Variants in F13A1 observed in about 807,000 individuals in gnomAD.
F13A1 encodes the protein coagulation factor XIII A chain.
A neutral mutation model predicts 80.1 loss-of-function variants in F13A1; 47 were observed. The ratio of observed to expected loss-of-function variants is 0.59; its 90% CI spans 0.46 to 0.75. The LOEUF is 0.75. Among genes scored for constraint, F13A1 ranks in the 30% least tolerant of loss-of-function variants. F13A1 has a pLI of 0.00. For synonymous variants in F13A1, 349 were observed against 344.9 expected (o/e 1.01, Z -0.13); for missense variants, 817 against 930.4 (o/e 0.88, Z 1.59).
chr6:6,254,279 C>T (rs748569680), intron 4 of F13A1, among the ~76,000 whole-genome samples: 3 of 151,962 alleles, frequency 2.0e-5, no homozygotes, highest in Non-Finnish European at 4.4e-5. Context: ...TGTGAATTCA[C>T]TTTGCCCAAT....
At chr6:6,244,115 T>A (rs1757523701) in intron 6 of F13A1, among the ~76,000 whole-genome samples, 1 of 152,128 alleles carries the variant, frequency 6.6e-6, no homozygotes, top group Non-Finnish European at 1.5e-5. Context: ...GGGCTCAGAG[T>A]CCATGTCTGG....
chr6:6,282,845 G>A (rs1758084957), intron 3 of F13A1, among the ~76,000 whole-genome samples: 1 of 152,192 alleles, frequency 6.6e-6, no homozygotes, highest in South Asian at 2.1e-4. Flanking sequence ...CTCAGCTCCA[G>A]AGTTTCACAG....
chr6:6,152,540 CTATTA>C (rs1275062063), intron 13 of F13A1, among the ~76,000 whole-genome samples: 2 of 152,138 alleles, frequency 1.3e-5, no homozygotes, highest in Non-Finnish European at 2.9e-5. Context: ...GTGAGTTGAT[CTATTA>C]TGACTCTCAG....
chr6:6,276,246 G>A (rs1487880378), intron 3 of F13A1, among the ~76,000 whole-genome samples: 3 of 152,324 alleles, frequency 2.0e-5, no homozygotes, highest in Non-Finnish European at 4.4e-5. Context: ...GAGAGGATTG[G>A]AAGCAGGAGG....
chr6:6,218,464 C>T (rs1378167807), intron 8 of F13A1, among the ~76,000 whole-genome samples: 1 of 152,210 alleles, frequency 6.6e-6, no homozygotes, highest in Non-Finnish European at 1.5e-5. Context: ...CAGAACTCAT[C>T]AGCACGCTGG....
chr6:6,217,470 T>C (rs1218521110), intron 8 of F13A1, among the ~76,000 whole-genome samples: 1 of 140,778 alleles, frequency 7.1e-6, no homozygotes, highest in Non-Finnish European at 1.5e-5. Flanking sequence ...TAGGTGGGAA[T>C]TGAACAATGA....
At chr6:6,195,401 C>T (rs769958923) in intron 10 of F13A1, among the ~76,000 whole-genome samples, 5 of 152,172 alleles carry the variant, frequency 3.3e-5, no homozygotes, top group Non-Finnish European at 5.9e-5. Context: ...TTTTGTCTTA[C>T]CTGGATTGCT....
chr6:6,251,781 T>C (rs1320746981), intron 4 of F13A1, among the ~76,000 whole-genome samples: 2 of 152,204 alleles, frequency 1.3e-5, no homozygotes, highest in African/African-American at 2.4e-5. Flanking sequence ...GTCACGATCT[T>C]GCAATCCCTA....
intron 10 of F13A1, among the ~76,000 whole-genome samples, chr6:6,194,270 AG>A (rs1761251130): frequency 6.6e-6 from 1 of 152,076 alleles, no homozygotes; most frequent in Admixed American, 6.5e-5. Flanking sequence ...TCTCTCAGGG[AG>A]GTCCTCTGCA....
Position 6,230,425 on chromosome 6 carries a change from C to G in F13A1, c.799-5565G>C, listed in dbSNP as rs143685628. ...GAAATCTCACCCCCATCCCCCACAGCAGCTGCAGCAAGACCTGCCCAAGGA... is the reference window on the plus strand; with the variant it reads ...GAAATCTCACCCCCATCCCCCACAGGAGCTGCAGCAAGACCTGCCCAAGGA... On this transcript the variant is annotated intron_variant, in intron 6 of 14. Coordinates refer to ENST00000264870, the MANE Select transcript of F13A1 (RefSeq NM_000129.4). Among the ~76,000 whole-genome samples the G allele has an allele frequency of 6.3e-3, 959 of 152,206 alleles. 13 individuals are homozygous for G. Among genetic ancestry groups the G allele is most frequent in the African/African-American group, 0.021 (886 of 41,514 alleles).
chr6:6,149,414 C>T (rs1583042790), intron 14 of F13A1, among the ~76,000 whole-genome samples: 1 of 152,242 alleles, frequency 6.6e-6, no homozygotes, highest in Non-Finnish European at 1.5e-5. Context: ...GTGGTCCTCA[C>T]ACATTCATTT....
intron 8 of F13A1, among the ~76,000 whole-genome samples, chr6:6,202,788 C>T (rs1307790964): frequency 3.9e-5 from 6 of 152,292 alleles, no homozygotes; most frequent in African/African-American, 7.2e-5. Flanking sequence ...CTGTGTGTTC[C>T]GTGCAGTGAC....
chr6:6,228,112 A>C (rs1293348006), intron 6 of F13A1, among the ~76,000 whole-genome samples: 1 of 152,196 alleles, frequency 6.6e-6, no homozygotes, highest in African/African-American at 2.4e-5. Context: ...CCAGTGGCAG[A>C]ATAAAGTGTC....
rs142466564 is a variant in F13A1, at chr6:6,232,292, G to T, written c.799-7432C>A. On this transcript the variant is annotated intron_variant, in intron 6 of 14. Coordinates refer to ENST00000264870, the MANE Select transcript of F13A1 (RefSeq NM_000129.4). ...TGCAAATGGACACCAAAAGCGAGCA[G>T]GGGTAGCTATTCTTATATCAGACAA... 5.2e-3 allele frequency among the ~76,000 whole-genome samples: 790 copies of T among 152,266 alleles called. 28 individuals carry two copies. The highest frequency in any genetic ancestry group is 6.9e-3 in the Non-Finnish European group (472 of 68,004).
chr6:6,294,733 T>A (rs1758293498), intron 3 of F13A1, among the ~76,000 whole-genome samples: 2 of 150,584 alleles, frequency 1.3e-5, no homozygotes, highest in South Asian at 2.1e-4. Context: ...TAGTCTTTTT[T>A]TAAAAATTTA....
At chr6:6,260,136 A>G (rs945170421) in intron 4 of F13A1, among the ~76,000 whole-genome samples, 1 of 152,206 alleles carries the variant, frequency 6.6e-6, no homozygotes, top group African/African-American at 2.4e-5. Context: ...AAGCCCGGTT[A>G]GCACCACTAA....
chr6:6,318,384 G>T, intron 2 of F13A1, 151 bp downstream of exon 2: 2 of 1,059,470 alleles, frequency 1.9e-6, no homozygotes, highest in Non-Finnish European at 2.7e-6. Context: ...GAAAGCTTTT[G>T]CTTTCTTCCT....
intron 1 of F13A1, among the ~76,000 whole-genome samples, chr6:6,319,879 C>T (rs3024313): frequency 1.3e-5 from 2 of 152,092 alleles, no homozygotes; most frequent in South Asian, 2.1e-4. Flanking sequence ...GGTGAGCTGA[C>T]GGGGGAAGGG....
chr6:6,190,812 C>T (rs112161939), intron 10 of F13A1, among the ~76,000 whole-genome samples: 1 of 152,208 alleles, frequency 6.6e-6, no homozygotes, highest in Non-Finnish European at 1.5e-5. Context: ...GGTGGGCGCC[C>T]CTCCCCCAGC....
Sources: allele counts gnomAD v4.1 joint callset (sites outside exome capture counted in the v4.1 genomes callset), GRCh38; gene constraint gnomAD v4.1.1; transcripts MANE v1.5; gene names NCBI Gene and HGNC (gene_info 2026-07-23, HGNC 2026-07-21).